KCNJ6: variants seen among roughly 807,000 people sequenced by gnomAD.
KCNJ6 encodes potassium inwardly rectifying channel subfamily J member 6.
KCNJ6 carries 9 observed loss-of-function variants against 34.2 expected under a neutral mutation model. The observed-to-expected ratio is 0.26, with a 90% CI of 0.16 to 0.46. The LOEUF (loss-of-function observed/expected upper bound fraction) is 0.46. KCNJ6 is among the 20% of genes least tolerant of loss of function. The pLI, the probability that KCNJ6 is intolerant of heterozygous loss-of-function variation, is 1.00. For synonymous variants in KCNJ6, 196 were observed against 207.1 expected, an observed-to-expected ratio of 0.95 and a Z score of 0.46; for missense variants, 236 against 531.3, an observed-to-expected ratio of 0.44 and a Z score of 5.46.
chr21:37,716,379 ATT>A (rs367708496), intron 2 of KCNJ6, among the ~76,000 whole-genome samples: 12 of 140,230 alleles, frequency 8.6e-5, no homozygotes, highest in Non-Finnish European at 7.7e-5. Flanking sequence ...AAAAGTTTAA[ATT>A]TTTTTTTTTT....
At chr21:37,908,799 C>T (rs76385784) in intron 1 of KCNJ6, among the ~76,000 whole-genome samples, 209 of 152,300 alleles carry the variant, frequency 1.4e-3, no homozygotes, top group African/African-American at 4.7e-3. Flanking sequence ...AATCTTTTCA[C>T]CACTGGGACA....
At chr21:37,907,569 A>C (rs1198439977) in intron 1 of KCNJ6, among the ~76,000 whole-genome samples, 1 of 152,188 alleles carries the variant, frequency 6.6e-6, no homozygotes, top group East Asian at 1.9e-4. Context: ...GAGCTGTGTA[A>C]ATGCAGAGAA....
Position 37,732,159 on chromosome 21 carries a change from C to A in KCNJ6, c.26-17028G>T, listed in dbSNP as rs138687189. On this transcript the variant is annotated intron_variant, in intron 2 of 3. Transcript: ENST00000609713. Reference sequence around the variant, plus strand: ...TAGAGGGAAAGCAAGAACAAGATCTCCCAGGGATTGGGAAGAAACAGAATG... The same window carrying A: ...TAGAGGGAAAGCAAGAACAAGATCTACCAGGGATTGGGAAGAAACAGAATG... Among the ~76,000 whole-genome samples the A allele has an allele frequency of 7.6e-4, 113 of 149,654 alleles. 2 individuals are homozygous for A. The East Asian group carries it at 0.02, about 26-fold the overall frequency.
intron 2 of KCNJ6, among the ~76,000 whole-genome samples, chr21:37,827,173 A>G (rs1196534853): frequency 2.0e-5 from 3 of 152,228 alleles, no homozygotes. Context: ...TGACTTCAGG[A>G]AATCAAAAGT....
intron 2 of KCNJ6, among the ~76,000 whole-genome samples, chr21:37,783,137 T>C (rs2055177431): frequency 6.6e-6 from 1 of 152,128 alleles, no homozygotes; most frequent in Admixed American, 6.5e-5. Flanking sequence ...GACCAGGCCT[T>C]GAGCTCAAGA....
chr21:37,653,613 C>T (rs573426748), intron 3 of KCNJ6, among the ~76,000 whole-genome samples: 6 of 152,166 alleles, frequency 3.9e-5, no homozygotes, highest in Non-Finnish European at 8.8e-5. Context: ...TATCAACTGC[C>T]AATATTAATT....
In KCNJ6 at chr21:37,638,599, C is replaced by A. The variant is rs143283822; in HGVS notation, c.947-13115G>T. Among the ~76,000 whole-genome samples, 472 of 152,328 alleles carry A rather than the reference C, an allele frequency of 3.1e-3. 1 individual carries two copies. Among genetic ancestry groups the A allele is most frequent in the African/African-American group, 0.011 (446 of 41,574 alleles). ...ACCATTTGTCCCAAATTGCCACTCC[C>A]TTCTGCCTACCATTTCCACCCTCCG... On this transcript the variant is annotated intron_variant, in intron 3 of 3. Transcript: ENST00000609713.
At chr21:37,676,536 C>A (rs1221453503) in intron 3 of KCNJ6, among the ~76,000 whole-genome samples, 2 of 152,230 alleles carry the variant, frequency 1.3e-5, no homozygotes, top group African/African-American at 4.8e-5. Context: ...TGCAGGGCAG[C>A]TGGCATTGGC....
rs746857940 is a variant in KCNJ6, at chr21:37,840,726, A to G, written c.-27-17T>C. The stretch of plus-strand genomic sequence containing the variant: ...GTGCTTTTCCTGGAGGTGAGAAGAA[A>G]AGACAATTATCTGTAAAACATGTCT... On this transcript the variant is annotated splice_polypyrimidine_tract_variant and intron_variant, in intron 1 of 3. Transcript: ENST00000609713. The G allele has an allele frequency of 7.0e-7, 1 of 1,418,666 alleles. No individual in the cohort carries two copies. Among genetic ancestry groups the G allele is most frequent in the Non-Finnish European group, 9.9e-7 (1 of 1,009,220 alleles). 87.9% of individuals were successfully genotyped at this position (1,418,666 alleles called of 1,614,324 possible).
intron 1 of KCNJ6, among the ~76,000 whole-genome samples, chr21:37,899,932 C>T (rs778377438): frequency 4.6e-5 from 7 of 152,168 alleles, no homozygotes; most frequent in Admixed American, 2.0e-4. Flanking sequence ...TCGCCCAGTT[C>T]GTGTGGCTGG....
rs142833301 is a variant in KCNJ6, at chr21:37,855,301, C to T, written c.-27-14592G>A. Among the ~76,000 whole-genome samples, 343 of 152,110 alleles carry T rather than the reference C, an allele frequency of 2.3e-3. 4 individuals are homozygous for T. Among genetic ancestry groups the T allele is most frequent in the African/African-American group, 7.7e-3 (320 of 41,474 alleles). On this transcript the variant is annotated intron_variant, in intron 1 of 3. Transcript: ENST00000609713. ...CAGTTCTTCAGAAGTTTTTGGAGTA[C>T]GATGTGGTTTTCATGGCTCAGAGTT...
At chr21:37,782,542 C>T (rs893301887) in intron 2 of KCNJ6, among the ~76,000 whole-genome samples, 9 of 152,166 alleles carry the variant, frequency 5.9e-5, no homozygotes, top group South Asian at 2.1e-4. Flanking sequence ...CTGGTTCCCC[C>T]GTGTGGCTTT....
At chr21:37,720,727 G>C (rs1339205081) in intron 2 of KCNJ6, among the ~76,000 whole-genome samples, 1 of 145,660 alleles carries the variant, frequency 6.9e-6, no homozygotes, top group Non-Finnish European at 1.5e-5. Context: ...TTGAGACGGA[G>C]TCTCGCTCTG....
At chr21:37,878,661 C>T (rs150242791) in intron 1 of KCNJ6, among the ~76,000 whole-genome samples, 119 of 152,304 alleles carry the variant, frequency 7.8e-4, no homozygotes, top group African/African-American at 1.9e-3. Flanking sequence ...TCTTTTTGCC[C>T]GGTTGAAATT....
At chr21:37,787,602 C>A (rs758872334) in intron 2 of KCNJ6, among the ~76,000 whole-genome samples, 5 of 152,140 alleles carry the variant, frequency 3.3e-5, no homozygotes, top group Non-Finnish European at 5.9e-5. Flanking sequence ...GCCTTGGGAT[C>A]CCCAAGGACA....
At chr21:37,700,940 G>A (rs1305643196) in intron 3 of KCNJ6, among the ~76,000 whole-genome samples, 1 of 152,164 alleles carries the variant, frequency 6.6e-6, no homozygotes, top group African/African-American at 2.4e-5. Flanking sequence ...GGAGGGAAGA[G>A]CACAAGATGA....
At chr21:37,692,120 G>C (rs1313263471) in intron 3 of KCNJ6, among the ~76,000 whole-genome samples, 1 of 152,142 alleles carries the variant, frequency 6.6e-6, no homozygotes, top group Non-Finnish European at 1.5e-5. Context: ...CTAGATGACA[G>C]GTTGATGGGC....
chr21:37,834,256 C>G (rs2055440882), intron 2 of KCNJ6, among the ~76,000 whole-genome samples: 1 of 152,228 alleles, frequency 6.6e-6, no homozygotes, highest in African/African-American at 2.4e-5. Context: ...ATAATCTGAC[C>G]TCTCCTATCT....
chr21:37,821,182 A>G (rs1393609253), intron 2 of KCNJ6, among the ~76,000 whole-genome samples: 1 of 152,230 alleles, frequency 6.6e-6, no homozygotes, highest in Non-Finnish European at 1.5e-5. Context: ...ATAGCACATA[A>G]TATGGAAAAT....
Sources: gnomAD v4.1 joint callset for allele counts (sites outside exome capture counted in the v4.1 genomes callset) on GRCh38, gnomAD v4.1.1 for gene constraint, MANE v1.5 for transcripts, NCBI Gene and HGNC (gene_info 2026-07-23, HGNC 2026-07-21) for gene names.